Variants in DPF3 observed in about 807,000 individuals in gnomAD.
DPF3 encodes zinc finger protein DPF3.
Under a neutral mutation model 56.8 loss-of-function variants are expected in DPF3, and 18 were observed. That is an observed-to-expected ratio of 0.32 (90% CI 0.22 to 0.47). The LOEUF (loss-of-function observed/expected upper bound fraction) is 0.47, where lower values mean the gene tolerates loss of function less well. Among genes scored for constraint, DPF3 ranks in the 20% least tolerant of loss-of-function variants. The pLI, the probability that DPF3 is intolerant of heterozygous loss-of-function variation, is 1.00. For missense variants in DPF3, 403 were observed against 488.8 expected, an observed-to-expected ratio of 0.82 and a Z score of 1.65; for synonymous variants, 188 against 180.2, an observed-to-expected ratio of 1.04 and a Z score of -0.35.
intron 7 of DPF3, among the ~76,000 whole-genome samples, chr14:72,688,797 G>A (rs996123690): frequency 3.3e-5 from 5 of 152,154 alleles, no homozygotes; most frequent in East Asian, 1.9e-4. Context: ...AATGGAGGCC[G>A]AAGAGGCACC....
chr14:72,752,587 C>T (rs1222092041), intron 3 of DPF3, among the ~76,000 whole-genome samples: 1 of 152,136 alleles, frequency 6.6e-6, no homozygotes, highest in Non-Finnish European at 1.5e-5. Flanking sequence ...CACTTGGACT[C>T]GGGAGGCAGA....
intron 1 of DPF3, among the ~76,000 whole-genome samples, chr14:72,874,090 A>C (rs1886014101): frequency 6.6e-6 from 1 of 150,458 alleles, no homozygotes; most frequent in Non-Finnish European, 1.5e-5. Context: ...AAAAGAATCT[A>C]GAAAAAGAAG....
chr14:72,661,391 A>G (rs1886204353), intron 8 of DPF3: 1 of 985,280 alleles, frequency 1.0e-6, no homozygotes, highest in Admixed American at 6.2e-5. Flanking sequence ...CATTTCAGTA[A>G]CACTGTGACT....
At chr14:72,667,901 T>C (rs1407591774) in intron 8 of DPF3, among the ~76,000 whole-genome samples, 1 of 152,230 alleles carries the variant, frequency 6.6e-6, no homozygotes, top group Non-Finnish European at 1.5e-5. Context: ...CAGGCAACGA[T>C]AGAGTATAGG....
At chr14:72,670,661 CA>C (rs200831025) in intron 8 of DPF3, 2 of 989,334 alleles carry the variant, frequency 2.0e-6, no homozygotes, top group Non-Finnish European at 2.4e-6. Flanking sequence ...CTCTCTCTCG[CA>C]AAAAAAGTCT....
intron 1 of DPF3, among the ~76,000 whole-genome samples, chr14:72,776,204 C>T (rs1453496363): frequency 3.9e-5 from 6 of 152,108 alleles, no homozygotes; most frequent in African/African-American, 1.4e-4. Flanking sequence ...TGATTGATGT[C>T]TTAGGCTAGA....
intron 2 of DPF3, among the ~76,000 whole-genome samples, chr14:72,760,090 A>T (rs1891004829): frequency 6.6e-6 from 1 of 152,244 alleles, no homozygotes; most frequent in Non-Finnish European, 1.5e-5. Flanking sequence ...AATGAACAGC[A>T]TCAGAAATGG....
intron 1 of DPF3, among the ~76,000 whole-genome samples, chr14:72,824,606 C>A (rs1040996971): frequency 6.8e-6 from 1 of 146,970 alleles, no homozygotes; most frequent in African/African-American, 2.5e-5. Context: ...CTCACTCTAT[C>A]GCCCAGGCTG....
At chr14:72,675,970 AT>A (rs1165161722) in intron 7 of DPF3, among the ~76,000 whole-genome samples, 5 of 152,246 alleles carry the variant, frequency 3.3e-5, no homozygotes, top group African/African-American at 9.6e-5. Context: ...CTGCCTATAA[AT>A]TTTCATTGCC....
intron 3 of DPF3, among the ~76,000 whole-genome samples, chr14:72,742,169 C>T (rs1421600471): frequency 3.3e-5 from 5 of 152,244 alleles, no homozygotes; most frequent in Admixed American, 2.6e-4. Context: ...ATGAGGCCAA[C>T]CAGAGCTGAC....
intron 1 of DPF3, among the ~76,000 whole-genome samples, chr14:72,891,585 G>A (rs1208762037): frequency 2.6e-5 from 4 of 151,898 alleles, no homozygotes; most frequent in Non-Finnish European, 5.9e-5. Flanking sequence ...AAATATATAA[G>A]ATGTTTTATT....
At chr14:72,815,234 AG>A (rs1215406759) in intron 1 of DPF3, among the ~76,000 whole-genome samples, 1 of 152,190 alleles carries the variant, frequency 6.6e-6, no homozygotes, top group Non-Finnish European at 1.5e-5. Context: ...CAAAAAAAAA[AG>A]GTTCAACATT....
chr14:72,861,737 G>GAGAAAGAGAAAGAA (rs1555513991), intron 1 of DPF3, among the ~76,000 whole-genome samples: 41 of 84,608 alleles, frequency 4.8e-4, no homozygotes, highest in African/African-American at 1.8e-3. Flanking sequence ...AAGAAAGAAA[G>GAGAAAGAGAAAGAA]AGAAAGAAAG....
intron 1 of DPF3, among the ~76,000 whole-genome samples, chr14:72,850,794 T>G (rs1238467806): frequency 7.3e-6 from 1 of 136,338 alleles, no homozygotes; most frequent in Non-Finnish European, 1.6e-5. Context: ...GTGGGGCGTG[T>G]GTGCATGTGT....
At chr14:72,849,733 A>T (rs1210600106) in intron 1 of DPF3, among the ~76,000 whole-genome samples, 1 of 152,228 alleles carries the variant, frequency 6.6e-6, no homozygotes, top group Non-Finnish European at 1.5e-5. Flanking sequence ...AGGTTGGGAT[A>T]AACCTAGGGC....
intron 6 of DPF3, among the ~76,000 whole-genome samples, chr14:72,702,387 C>T (rs1433947401): frequency 6.6e-6 from 1 of 152,088 alleles, no homozygotes; most frequent in African/African-American, 2.4e-5. Context: ...TCTGGGAACC[C>T]CATGTCTCCC....
chr14:72,701,850 C>T (rs1211216343), intron 6 of DPF3, among the ~76,000 whole-genome samples: 3 of 152,160 alleles, frequency 2.0e-5, no homozygotes, highest in Non-Finnish European at 4.4e-5. Context: ...GGCTCTGCCC[C>T]GTGGCACTGA....
At chr14:72,705,121 G>C (rs1458602476) in intron 6 of DPF3, among the ~76,000 whole-genome samples, 1 of 152,168 alleles carries the variant, frequency 6.6e-6, no homozygotes, top group African/African-American at 2.4e-5. Context: ...TGAGTGGCGG[G>C]CAGGCAAGAG....
intron 1 of DPF3, among the ~76,000 whole-genome samples, chr14:72,825,545 AT>A (rs1173011036): frequency 1.3e-5 from 2 of 152,342 alleles, no homozygotes; most frequent in East Asian, 3.9e-4. Flanking sequence ...AACATAGAAA[AT>A]TTCACAGGAT....
Sources: gnomAD v4.1 joint callset for allele counts (sites outside exome capture counted in the v4.1 genomes callset) on GRCh38, gnomAD v4.1.1 for gene constraint, MANE v1.5 for transcripts, NCBI Gene and HGNC (gene_info 2026-07-23, HGNC 2026-07-21) for gene names.